The following ZNF846 variants were observed in gnomAD, a reference collection of about 807,000 sequenced individuals.
ZNF846 encodes zinc finger protein 420 pseudogene.
Under a neutral mutation model 16.0 loss-of-function variants are expected in ZNF846, and 15 were observed. The observed-to-expected ratio is 0.94, with a 90% confidence interval of 0.63 to 1.45. ZNF846 has a LOEUF of 1.45. Among genes scored for constraint, ZNF846 ranks in the 40% most tolerant of loss-of-function variants. The pLI, the probability that ZNF846 is intolerant of heterozygous loss-of-function variation, is 0.00. For missense variants in ZNF846, 714 were observed against 622.3 expected (o/e 1.15, Z -1.57); for synonymous variants, 229 against 212.0 (o/e 1.08, Z -0.70).
intron 1 of ZNF846, chr19:9,774,725 CCA>C: frequency 6.5e-7 from 1 of 1,541,898 alleles, no homozygotes; most frequent in East Asian, 2.2e-5. Context: ...GATCTATCAC[CCA>C]AATATCGACG....
chr19:9,758,777 A>T lies in ZNF846; in HGVS notation c.313-13T>A. On this transcript the variant is annotated splice_polypyrimidine_tract_variant and intron_variant, in intron 5 of 5. Transcript: ENST00000397902. ...TATTGCTTCTCTCCTGTTGAGATAT[A>T]AAAGATGAATAAAGAATTTCTCACA... The T allele has an allele frequency of 6.6e-7, 1 of 1,525,446 alleles. No homozygotes were observed. The highest frequency in any genetic ancestry group is 8.8e-7 in the Non-Finnish European group (1 of 1,138,304). The allele number at this position is 1,525,446 out of a possible 1,614,324, so 94.5% of individuals were successfully genotyped here. A position where few individuals can be genotyped will look rare whatever the true frequency, so the allele number is the denominator to read the frequency against.
chr19:9,758,289 A>T, exon 6 of ZNF846: 1 of 1,613,454 alleles, frequency 6.2e-7, no homozygotes, highest in South Asian at 1.1e-5. Context: ...GGATTGAGTG[A>T]AAGCTTTACC....
intron 1 of ZNF846, among the ~76,000 whole-genome samples, chr19:9,782,853 A>G (rs1364125018): frequency 6.6e-6 from 1 of 152,170 alleles, no homozygotes; most frequent in Non-Finnish European, 1.5e-5. Flanking sequence ...CTCTCTCAAA[A>G]TGCACACCTG....
Position 9,781,229 on chromosome 19 carries a change from G to A in ZNF846, c.-86+4709C>T, listed in dbSNP as rs1354045462. ...CAACCTCTGCCTCCCAGGTCCAAGCGAATTCTCCTGCCCCAGCCTCCTGAG... is the reference window on the plus strand; with the variant it reads ...CAACCTCTGCCTCCCAGGTCCAAGCAAATTCTCCTGCCCCAGCCTCCTGAG... On this transcript the variant is annotated intron_variant, in intron 1 of 4. Transcript: ENST00000586814. 4.6e-5 allele frequency among the ~76,000 whole-genome samples: 7 copies of A among 152,182 alleles called. No homozygotes were observed. The East Asian group carries it at 5.8e-4, about 13-fold the overall frequency.
upstream of ZNF846, among the ~76,000 whole-genome samples, chr19:9,770,642 C>G (rs1047208136): frequency 6.6e-6 from 1 of 151,776 alleles, no homozygotes; most frequent in African/African-American, 2.4e-5. Context: ...CCGAGGCAGG[C>G]GGATCACCTG....
rs926023867 is a variant in ZNF846, at chr19:9,758,920, T to A, written c.313-156A>T. 2.6e-5 allele frequency among the ~76,000 whole-genome samples: 4 copies of A among 151,960 alleles called. 1 individual carries two copies. Among genetic ancestry groups the A allele is most frequent in the African/African-American group, 9.7e-5 (4 of 41,220 alleles). ...TTCCAGCCCCATTTTTGAGTTAAGT[T>A]GAGTAATAGGACAATGAGGCCACCA... On this transcript the variant is annotated intron_variant, in intron 5 of 5. Transcript: ENST00000397902.
chr19:9,750,217 C>T (rs182592691), downstream of ZNF846, among the ~76,000 whole-genome samples: 18 of 152,324 alleles, frequency 1.2e-4, no homozygotes, highest in African/African-American at 4.3e-4. Flanking sequence ...TACCCTGCAT[C>T]TCACTCCATC....
downstream of ZNF846, among the ~76,000 whole-genome samples, chr19:9,753,888 G>C (rs185158287): frequency 3.0e-4 from 45 of 151,648 alleles, 1 homozygote; most frequent in East Asian, 8.1e-3. Flanking sequence ...TCTGTTGTGG[G>C]GTGGGTTGTG....
At chr19:9,766,682 C>A (rs1347046406) in intron 1 of ZNF846, among the ~76,000 whole-genome samples, 1 of 151,550 alleles carries the variant, frequency 6.6e-6, no homozygotes, top group East Asian at 1.9e-4. Context: ...TGGAGACCAT[C>A]CTGGCCAACA....
intron 4 of ZNF846, among the ~76,000 whole-genome samples, chr19:9,761,871 A>G (rs916250412): frequency 2.6e-5 from 4 of 152,152 alleles, no homozygotes; most frequent in African/African-American, 9.7e-5. Context: ...AAGGCAGACA[A>G]ACCTTTCTGA....
chr19:9,783,993 G>A (rs765940381), intron 1 of ZNF846, among the ~76,000 whole-genome samples: 2 of 152,066 alleles, frequency 1.3e-5, no homozygotes, highest in African/African-American at 2.4e-5. Context: ...ACTAGCCATC[G>A]CGCCTGGCCA....
intron 1 of ZNF846, 21 bp downstream of exon 1, chr19:9,768,268 T>A (rs1294226530): frequency 6.6e-6 from 1 of 152,174 alleles, no homozygotes; most frequent in Non-Finnish European, 1.5e-5. Flanking sequence ...AGCCAGATCA[T>A]CTCCTCCGTC....
intron 1 of ZNF846, among the ~76,000 whole-genome samples, chr19:9,766,428 A>G (rs1213245854): frequency 3.3e-5 from 5 of 151,722 alleles, no homozygotes; most frequent in Non-Finnish European, 7.4e-5. Context: ...AAAAAAAAAA[A>G]AGCCACAGAA....
chr19:9,750,977 CA>C (rs368941623), downstream of ZNF846, among the ~76,000 whole-genome samples: 1,326 of 152,156 alleles, frequency 8.7e-3, 14 homozygotes, highest in African/African-American at 0.031. Flanking sequence ...ATGATGACGT[CA>C]AAAAACTCAA....
downstream of ZNF846, among the ~76,000 whole-genome samples, chr19:9,754,409 C>T (rs1378403448): frequency 6.6e-6 from 1 of 150,840 alleles, no homozygotes; most frequent in Non-Finnish European, 1.5e-5. Flanking sequence ...ACTAATACTA[C>T]AAAAATTAGC....
downstream of ZNF846, among the ~76,000 whole-genome samples, chr19:9,752,952 C>T (rs935817740): frequency 6.7e-6 from 1 of 148,256 alleles, no homozygotes; most frequent in Non-Finnish European, 1.5e-5. Context: ...AAATTTATTT[C>T]TCCGAGTTCT....
chr19:9,771,441 G>T (rs2045390143), upstream of ZNF846, among the ~76,000 whole-genome samples: 1 of 152,144 alleles, frequency 6.6e-6, no homozygotes, highest in Non-Finnish European at 1.5e-5. Flanking sequence ...GCCTCCCAAA[G>T]TGCTGGGATA....
At chr19:9,781,600 G>A (rs1489341928) in intron 1 of ZNF846, among the ~76,000 whole-genome samples, 1 of 152,032 alleles carries the variant, frequency 6.6e-6, no homozygotes, top group African/African-American at 2.4e-5. Flanking sequence ...GCTTGTGGAA[G>A]TTAGGCAAAC....
chr19:9,759,141 G>T (rs1489593831), intron 5 of ZNF846, among the ~76,000 whole-genome samples: 2 of 151,822 alleles, frequency 1.3e-5, no homozygotes, highest in Non-Finnish European at 2.9e-5. Context: ...AGGATTACAG[G>T]CATGTGCCAC....
Sources: gnomAD v4.1 joint callset for allele counts (sites outside exome capture counted in the v4.1 genomes callset) on GRCh38, gnomAD v4.1.1 for gene constraint, MANE v1.5 for transcripts, NCBI Gene and HGNC (gene_info 2026-07-23, HGNC 2026-07-21) for gene names.